TAFA4: variants seen among roughly 807,000 people sequenced by gnomAD.
TAFA4 encodes the protein chemokine-like protein TAFA-4.
A neutral mutation model predicts 21.1 loss-of-function variants in TAFA4; 20 were observed. The observed-to-expected ratio is 0.95, with a 90% CI of 0.67 to 1.38. The LOEUF (loss-of-function observed/expected upper bound fraction) is 1.38. TAFA4 is among the 40% of genes most tolerant of loss of function. The pLI is 0.00. For synonymous variants in TAFA4, 71 were observed against 67.4 expected, an observed-to-expected ratio of 1.05 and a Z score of -0.26; for missense variants, 211 against 180.9, an observed-to-expected ratio of 1.17 and a Z score of -0.95.
rs141878570 is a variant in TAFA4 at position 68,872,416 on chromosome 3, G to A, written c.130+8314C>T. Among the ~76,000 whole-genome samples the A allele has an allele frequency of 4.9e-3, 743 of 152,122 alleles. 8 individuals carry two copies. Among genetic ancestry groups the A allele is most frequent in the African/African-American group, 0.017 (711 of 41,488 alleles). The stretch of plus-strand genomic sequence containing the variant: ...GGGGCTAGGAAGGGTTGGGAGGAGG[G>A]AGAGATGAACAGAGGTTAATAGTTT... On this transcript the variant is annotated intron_variant, in intron 3 of 5. Transcript: ENST00000295569.
chr3:68,862,522 G>A (rs563513341), intron 3 of TAFA4, among the ~76,000 whole-genome samples: 1 of 152,176 alleles, frequency 6.6e-6, no homozygotes, highest in African/African-American at 2.4e-5. Flanking sequence ...AGCATTTCCA[G>A]TTTAGCACAT....
chr3:68,792,728 C>T (rs533491495), intron 3 of TAFA4, among the ~76,000 whole-genome samples: 123 of 152,212 alleles, frequency 8.1e-4, no homozygotes, highest in African/African-American at 2.9e-3. Flanking sequence ...AATTATTGTT[C>T]ATGCAGCAAT....
intron 3 of TAFA4, among the ~76,000 whole-genome samples, chr3:68,811,871 G>GT (rs1390549630): frequency 1.3e-5 from 2 of 152,070 alleles, no homozygotes; most frequent in African/African-American, 4.8e-5. Flanking sequence ...ACACACAATT[G>GT]TCAGATTCAC....
chr3:68,913,580 G>C (rs2089979418), intron 1 of TAFA4: 1 of 152,226 alleles, frequency 6.6e-6, no homozygotes. Flanking sequence ...GTTAAAAGCA[G>C]AGCCTTTCAA....
At chr3:68,840,402 G>A (rs1281578393) in intron 3 of TAFA4, among the ~76,000 whole-genome samples, 2 of 152,000 alleles carry the variant, frequency 1.3e-5, no homozygotes, top group Non-Finnish European at 2.9e-5. Context: ...TCAACATGGT[G>A]AGATACATTT....
chr3:68,880,279 C>A (rs767572305), intron 3 of TAFA4, among the ~76,000 whole-genome samples: 1 of 152,158 alleles, frequency 6.6e-6, no homozygotes, highest in African/African-American at 2.4e-5. Context: ...ATTTTCTCCA[C>A]ATCTCTCAAA....
At chr3:68,761,046 G>GGTAACAAAAGACAGGGTATTGAAC (rs1702747680) in intron 3 of TAFA4, among the ~76,000 whole-genome samples, 1 of 152,134 alleles carries the variant, frequency 6.6e-6, no homozygotes, top group Non-Finnish European at 1.5e-5. Context: ...GTTACCTGCT[G>GGTAACAAAAGACAGGGTATTGAAC]GTAACAAAAG....
At chr3:68,812,939 A>G (rs912833025) in intron 3 of TAFA4, among the ~76,000 whole-genome samples, 2 of 152,216 alleles carry the variant, frequency 1.3e-5, no homozygotes, top group African/African-American at 2.4e-5. Flanking sequence ...AGTACTCCTC[A>G]GCAAATGTAA....
intron 3 of TAFA4, among the ~76,000 whole-genome samples, chr3:68,794,162 G>A (rs759403390): frequency 5.3e-5 from 8 of 151,292 alleles, no homozygotes; most frequent in African/African-American, 1.2e-4. Context: ...TGCCATTGAT[G>A]AGAACATGGA....
rs1278532916 is a variant in TAFA4 at position 68,732,231 on chromosome 3, T to TACAGTC, written c.*905_*910dup. ...ACAGCTAAGTTAAGAAGAACTCATT[T>TACAGTC]ACAGTCTAAAAATTCAGCACTGAAA... On this transcript the variant is annotated 3_prime_UTR_variant, in exon 6 of 6. Transcript: ENST00000295569. 6.6e-6 allele frequency: 1 copy of TACAGTC among 152,590 alleles called. No homozygotes were observed. The highest frequency in any genetic ancestry group is 2.4e-5 in the African/African-American group (1 of 41,454). The allele number at this position is 152,590 out of a possible 1,614,324, so 9.5% of individuals were successfully genotyped here.
intron 3 of TAFA4, among the ~76,000 whole-genome samples, chr3:68,805,722 G>T (rs564860998): frequency 5.9e-5 from 9 of 151,672 alleles, no homozygotes; most frequent in African/African-American, 2.2e-4. Flanking sequence ...ACCAAACACC[G>T]CGTGTTCTCA....
chr3:68,752,093 ATG>A (rs528430979), intron 4 of TAFA4, among the ~76,000 whole-genome samples: 2 of 152,262 alleles, frequency 1.3e-5, no homozygotes, highest in South Asian at 4.1e-4. Context: ...GGAGTTAAGA[ATG>A]TGTGTGTGTT....
chr3:68,882,402 T>C (rs982398733), intron 2 of TAFA4, among the ~76,000 whole-genome samples: 1 of 152,122 alleles, frequency 6.6e-6, no homozygotes, highest in Non-Finnish European at 1.5e-5. Context: ...CCAGATTCTC[T>C]TGAAAAATTA....
intron 3 of TAFA4, among the ~76,000 whole-genome samples, chr3:68,877,840 C>T (rs922203767): frequency 5.3e-5 from 8 of 152,180 alleles, no homozygotes; most frequent in South Asian, 2.1e-4. Flanking sequence ...ATTCTCGATG[C>T]CTCCAAATGT....
At chr3:68,923,258 C>T (rs188130850) in intron 1 of TAFA4, among the ~76,000 whole-genome samples, 28 of 152,266 alleles carry the variant, frequency 1.8e-4, no homozygotes, top group Admixed American at 1.7e-3. Context: ...AATGAATAAA[C>T]ATGGGGTGCT....
chr3:68,912,305 GA>G (rs1418902418), intron 1 of TAFA4, among the ~76,000 whole-genome samples: 1 of 152,146 alleles, frequency 6.6e-6, no homozygotes, highest in Non-Finnish European at 1.5e-5. Flanking sequence ...TTTGCTTGCA[GA>G]ATAGTACATC....
At chr3:68,764,877 A>G (rs991646289) in intron 3 of TAFA4, among the ~76,000 whole-genome samples, 2 of 152,140 alleles carry the variant, frequency 1.3e-5, no homozygotes, top group Non-Finnish European at 2.9e-5. Flanking sequence ...CTCCATTTGG[A>G]GGCAGTTGAC....
intron 3 of TAFA4, among the ~76,000 whole-genome samples, chr3:68,809,343 T>G (rs2106841091): frequency 6.6e-6 from 1 of 152,306 alleles, no homozygotes; most frequent in South Asian, 2.1e-4. Flanking sequence ...GCAATGAAAT[T>G]CCAGTATAAC....
Position 68,739,098 on chromosome 3 carries a change from C to T in TAFA4, c.388G>A (p.Gly130Ser), listed in dbSNP as rs1425643601. ...GCCTTCGTAGTTTTGACTTTATTGC[C>T]ACTGCTACAGGACCAACCTGAGTAA... ...PDYSGWSCSS[G>S]NKVKTTKVTR The change falls in exon 5 of 6, where the codon GGC becomes AGC. Residue 130 changes from glycine (G) to serine (S), a missense_variant. Gly to Ser is a moderately conservative substitution (Grantham distance 56, BLOSUM62 0). Coordinates refer to ENST00000295569, the MANE Select transcript of TAFA4 (RefSeq NM_182522.5). The T allele has an allele frequency of 6.2e-7, 1 of 1,613,730 alleles. No individual in the cohort carries two copies. The highest frequency in any genetic ancestry group is 1.1e-5 in the South Asian group (1 of 91,020).
Sources: gnomAD v4.1 joint callset for allele counts (sites outside exome capture counted in the v4.1 genomes callset) on GRCh38, gnomAD v4.1.1 for gene constraint, MANE v1.5 for transcripts, NCBI Gene and HGNC (gene_info 2026-07-23, HGNC 2026-07-21) for gene names.